The following POMT2 variants were observed in gnomAD, a reference collection of about 807,000 sequenced individuals.
POMT2 encodes protein O-mannosyltransferase 2.
In POMT2, 75 loss-of-function variants were observed where a neutral mutation model predicts 100.0. The observed-to-expected ratio is 0.75, with a 90% CI of 0.62 to 0.91. The LOEUF is 0.91. Among genes scored for constraint, POMT2 ranks in the 40% least tolerant of loss-of-function variants. POMT2 has a pLI of 0.00. For missense variants in POMT2, 940 were observed against 955.1 expected (o/e 0.98, Z 0.21); for synonymous variants, 378 against 374.1 (o/e 1.01, Z -0.12).
chr14:77,291,117 C>T (rs773911089), intron 10 of POMT2, among the ~76,000 whole-genome samples, 197 bp downstream of exon 10: 1 of 152,092 alleles, frequency 6.6e-6, no homozygotes, highest in African/African-American at 2.4e-5. Flanking sequence ...AATGCTTATC[C>T]CCTATGCCAA....
chr14:77,306,185 C>G, intron 3 of POMT2, 152 bp downstream of exon 3: 2 of 1,345,640 alleles, frequency 1.5e-6, no homozygotes. Flanking sequence ...GTATCTACAC[C>G]ACAGGGGAGG....
chr14:77,304,648 G>A (rs771520649), intron 4 of POMT2, 44 bp downstream of exon 4: 184 of 1,552,476 alleles, frequency 1.2e-4, no homozygotes, highest in Non-Finnish European at 1.5e-4. Context: ...TCACGGAGTG[G>A]CAGCCCATTT....
At chr14:77,312,111 A>C in intron 1 of POMT2, 78 bp from the exon 2 acceptor site, 1 of 1,566,040 alleles carries the variant, frequency 6.4e-7, no homozygotes, top group Non-Finnish European at 8.7e-7. Context: ...AGCATGGTTA[A>C]AATTAAAGGC....
chr14:77,300,694 C>T lies in POMT2; in HGVS notation c.816+396G>A. On this transcript the variant is annotated intron_variant, in intron 6 of 20. Transcript: ENST00000261534. ...AATTAGCTGGGCATGGTGGTATGTGCCTGTAATCCCAGCTACTTGGGAGGC... is the reference window on the plus strand; with the variant it reads ...AATTAGCTGGGCATGGTGGTATGTGTCTGTAATCCCAGCTACTTGGGAGGC... 1.5e-5 allele frequency: 4 copies of T among 272,206 alleles called. No homozygotes were observed. The South Asian group carries it at 1.5e-4, about 10-fold the overall frequency. The allele number at this position is 272,206 out of a possible 1,614,324, so 16.9% of individuals were successfully genotyped here.
At chr14:77,280,293 C>T in intron 16 of POMT2, 99 bp downstream of exon 16, 31 of 1,579,448 alleles carry the variant, frequency 2.0e-5, no homozygotes, top group Non-Finnish European at 2.5e-5. Flanking sequence ...GGAGGCCCCT[C>T]GCCCTGCCGC....
chr14:77,302,759 C>G (rs887655092), intron 5 of POMT2, 76 bp downstream of exon 5: 2 of 1,252,368 alleles, frequency 1.6e-6, no homozygotes, highest in Non-Finnish European at 2.3e-6. Context: ...GGCACCCGCC[C>G]TGGCCCTGGC....
At chr14:77,284,134 G>A in intron 14 of POMT2, 1 of 489,636 alleles carries the variant, frequency 2.0e-6, no homozygotes, top group East Asian at 4.2e-5. Flanking sequence ...CAGCACCATT[G>A]CTTTTCACTG....
intron 1 of POMT2, 51 bp downstream of exon 1, chr14:77,320,383 G>A: frequency 6.5e-7 from 1 of 1,542,362 alleles, no homozygotes; most frequent in Admixed American, 2.0e-5. Flanking sequence ...TCAGAGGGCG[G>A]CGTCCCGTCG....
rs548359755 is a variant in POMT2, at chr14:77,278,429, C to T, written c.2112G>A (p.Ala704=). 21 of 1,491,464 alleles carry T rather than the reference C, an allele frequency of 1.4e-5. No homozygotes were observed. The highest frequency in any genetic ancestry group is 9.7e-5 in the Admixed American group (5 of 51,324). 92.4% of individuals were successfully genotyped at this position (1,491,464 alleles called of 1,614,324 possible). The change falls in exon 20 of 21, where the codon GCG becomes GCA. Residue 704 remains alanine, a synonymous_variant. Coordinates refer to ENST00000261534, the MANE Select transcript of POMT2 (RefSeq NM_013382.7). Reference sequence around the variant, plus strand: ...TTCCCAGGAGCAGGCTCAGGATTCCCGCCACATGTATGCCCCTCGCCAGGG... The same window carrying T: ...TTCCCAGGAGCAGGCTCAGGATTCCTGCCACATGTATGCCCCTCGCCAGGG... ...SWPLARGIHV[A]GILSLLLGTA... is the part of the protein sequence containing the mutation.
chr14:77,280,948 G>C (rs1890203824), intron 15 of POMT2, among the ~76,000 whole-genome samples: 1 of 152,086 alleles, frequency 6.6e-6, no homozygotes, highest in Non-Finnish European at 1.5e-5. Context: ...CAAAAAATTA[G>C]CTGAGCGTAG....
intron 18 of POMT2, 24 bp from the exon 19 acceptor site, chr14:77,278,893 G>A: frequency 6.2e-7 from 1 of 1,610,834 alleles, no homozygotes; most frequent in African/African-American, 1.3e-5. Flanking sequence ...GCACAGCCCA[G>A]TCAGAAGACA....
In POMT2 at chr14:77,280,020, C is replaced by T. The variant is rs2140167396; in HGVS notation, c.1785+1G>A. 1 of 1,614,044 alleles carries T rather than the reference C, an allele frequency of 6.2e-7. No individual in the cohort carries two copies. Among genetic ancestry groups the T allele is most frequent in the Middle Eastern group, 1.6e-4 (1 of 6,062 alleles). On this transcript the variant is annotated splice_donor_variant, in intron 17 of 20. Coordinates refer to ENST00000261534, the MANE Select transcript of POMT2 (RefSeq NM_013382.7). LOFTEE classifies it high-confidence loss of function. Reference sequence around the variant, plus strand: ...TGAGCCGGGAATGTTTAGGCACTCACCGGGTTGCCAAGCAGATAGACTCGG... The same window carrying T: ...TGAGCCGGGAATGTTTAGGCACTCATCGGGTTGCCAAGCAGATAGACTCGG...
chr14:77,279,952 G>A, intron 17 of POMT2, 24 bp from the exon 18 acceptor site: 1 of 1,614,174 alleles, frequency 6.2e-7, no homozygotes, highest in Non-Finnish European at 8.5e-7. Context: ...GGAATGGGCA[G>A]ATGAGAACGC....
At chr14:77,309,020 T>C (rs1050932768) in intron 2 of POMT2, among the ~76,000 whole-genome samples, 1 of 152,232 alleles carries the variant, frequency 6.6e-6, no homozygotes, top group Non-Finnish European at 1.5e-5. Context: ...GAAGCGCATC[T>C]TCATGTGCTA....
chr14:77,296,307 G>C (rs1299844458), intron 8 of POMT2, 34 bp from the exon 9 acceptor site: 34 of 1,468,672 alleles, frequency 2.3e-5, no homozygotes, highest in Non-Finnish European at 3.2e-5. Context: ...GGGGTGAGCT[G>C]GCACAGTGCC....
At chr14:77,285,143 C>A in intron 13 of POMT2, 102 bp from the exon 14 acceptor site, 1 of 1,025,162 alleles carries the variant, frequency 9.8e-7, no homozygotes, top group East Asian at 2.6e-5. Context: ...TTCTCTTTTC[C>A]ACATGGTGGC....
intron 4 of POMT2, among the ~76,000 whole-genome samples, chr14:77,303,356 C>G (rs1891119650): frequency 6.6e-6 from 1 of 152,134 alleles, no homozygotes; most frequent in Non-Finnish European, 1.5e-5. Context: ...ATTCTCCAGA[C>G]AGATGGCAGA....
Position 77,280,079 on chromosome 14 carries a change from C to T in POMT2, c.1727G>A (p.Gly576Asp). The change falls in exon 17 of 21, where the codon GGC (glycine) becomes GAC (aspartate). Residue 576 changes from glycine (G) to aspartate (D), a missense_variant and splice_region_variant. Physicochemically the swap from Gly to Asp is moderately conservative, Grantham distance 94 (BLOSUM62 -1). Coordinates refer to ENST00000261534, the MANE Select transcript of POMT2 (RefSeq NM_013382.7). ...GTCATTGACCCCTGAGAAGCGTAGG[C>T]CCTGTGGAATAGAGACCACCCTGCT... ...KPWHWPINYQGLRFSGVNDTD... is the reference protein window; with the variant it reads ...KPWHWPINYQDLRFSGVNDTD... The T allele has an allele frequency of 1.2e-6, 2 of 1,613,834 alleles. No homozygotes were observed. Among genetic ancestry groups the T allele is most frequent in the Non-Finnish European group, 1.7e-6 (2 of 1,180,014 alleles).
Position 77,304,491 on chromosome 14 carries a change from A to G in POMT2, c.547+201T>C, listed in dbSNP as rs3815626. On this transcript the variant is annotated intron_variant, in intron 4 of 20. Coordinates refer to ENST00000261534, the MANE Select transcript of POMT2 (RefSeq NM_013382.7). ...TTACCCACGCCGATTCTCCCCTCCA[A>G]TAATATAAAGGCTTGTTATATATAA... 0.33 allele frequency among the ~76,000 whole-genome samples: 49,827 copies of G among 152,100 alleles called. 8,353 individuals are homozygous for G. The highest frequency in any genetic ancestry group is 0.45 in the East Asian group (2,311 of 5,176).
Sources: allele counts gnomAD v4.1 joint callset (sites outside exome capture counted in the v4.1 genomes callset), GRCh38; gene constraint gnomAD v4.1.1; transcripts MANE v1.5; gene names NCBI Gene and HGNC (gene_info 2026-07-23, HGNC 2026-07-21).